Variants in DLG2 observed in about 807,000 individuals in gnomAD.
DLG2 encodes disks large homolog 2.
In DLG2, 45 loss-of-function variants were observed where a neutral mutation model predicts 132.5. The observed-to-expected ratio is 0.34, with a 90% CI of 0.27 to 0.44. The LOEUF (loss-of-function observed/expected upper bound fraction) is 0.44, where lower values mean the gene tolerates loss of function less well. Ranked by LOEUF, DLG2 falls within the 20% of genes least tolerant of loss-of-function variation. The pLI is 1.00. For missense variants in DLG2, 1,045 were observed against 1,196.9 expected (o/e 0.87, Z 1.87); for synonymous variants, 424 against 419.6 (o/e 1.01, Z -0.13).
intron 6 of DLG2, among the ~76,000 whole-genome samples, chr11:84,804,788 G>C (rs1384328381): frequency 6.6e-6 from 1 of 152,112 alleles, no homozygotes; most frequent in Non-Finnish European, 1.5e-5. Context: ...GACCAAATGA[G>C]AGCCTGGAGT....
intron 6 of DLG2, among the ~76,000 whole-genome samples, chr11:84,787,071 G>A (rs542223743): frequency 6.6e-6 from 1 of 152,234 alleles, no homozygotes; most frequent in East Asian, 1.9e-4. Flanking sequence ...ACCAACACAG[G>A]AGAAACAATG....
At chr11:85,093,502 C>T (rs1017999003) in intron 6 of DLG2, among the ~76,000 whole-genome samples, 1 of 152,130 alleles carries the variant, frequency 6.6e-6, no homozygotes, top group African/African-American at 2.4e-5. Flanking sequence ...CTAATAAAGA[C>T]ATACATGAGA....
intron 3 of DLG2, among the ~76,000 whole-genome samples, chr11:85,475,877 G>A (rs2093124930): frequency 6.6e-6 from 1 of 152,012 alleles, no homozygotes; most frequent in Non-Finnish European, 1.5e-5. Context: ...TACAACATAT[G>A]TTCTTTCTCA....
intron 16 of DLG2, among the ~76,000 whole-genome samples, chr11:83,835,011 T>C (rs1209991371): frequency 1.3e-5 from 2 of 152,212 alleles, no homozygotes; most frequent in African/African-American, 4.8e-5. Context: ...TGCTATCACA[T>C]TTCCATGCAT....
chr11:84,744,686 A>G (rs552917739), intron 6 of DLG2, among the ~76,000 whole-genome samples: 18 of 152,188 alleles, frequency 1.2e-4, no homozygotes, highest in Non-Finnish European at 2.5e-4. Flanking sequence ...ATTTTCAACT[A>G]ATAAAAAAGG....
intron 3 of DLG2, among the ~76,000 whole-genome samples, chr11:85,404,685 C>G (rs1047747843): frequency 3.9e-5 from 6 of 151,958 alleles, no homozygotes; most frequent in African/African-American, 1.4e-4. Flanking sequence ...AAAACAGTAT[C>G]AGCACTGTCA....
At chr11:83,880,021 T>C (rs1217238227) in intron 15 of DLG2, among the ~76,000 whole-genome samples, 1 of 152,164 alleles carries the variant, frequency 6.6e-6, no homozygotes, top group African/African-American at 2.4e-5. Context: ...ACCAAGATCA[T>C]GAAGGGTCAA....
chr11:83,807,973 A>G (rs1712633940), intron 17 of DLG2, among the ~76,000 whole-genome samples: 2 of 152,058 alleles, frequency 1.3e-5, no homozygotes, highest in African/African-American at 4.8e-5. Context: ...TAACACTCCT[A>G]TCTTTGACAG....
chr11:83,541,708 C>T lies in DLG2; in HGVS notation c.2091G>A (p.Glu697=). 6.2e-7 allele frequency: 1 copy of T among 1,610,642 alleles called. No individual in the cohort carries two copies. The highest frequency in any genetic ancestry group is 1.1e-5 in the South Asian group (1 of 90,556). Residue 697 remains glutamate, a synonymous_variant, in exon 20 of 28, where the codon GAG becomes GAA. Transcript: ENST00000376104. ...RRVMLEGDSE[E]MGVIPSKRRV... ...TCCTTTTGCTGGGGATGACCCCCATCTCCTCACTGTCTCCCTCCAGCATGA... is the reference window on the plus strand; with the variant it reads ...TCCTTTTGCTGGGGATGACCCCCATTTCCTCACTGTCTCCCTCCAGCATGA...
chr11:83,632,205 A>G (rs2063683729), intron 19 of DLG2: 1 of 152,220 alleles, frequency 6.6e-6, no homozygotes. Flanking sequence ...TACCAAATAC[A>G]TACAAAACTT....
intron 3 of DLG2, chr11:85,524,926 T>C (rs1425998288): frequency 2.0e-5 from 3 of 150,692 alleles, no homozygotes. Context: ...TCTGGTATGA[T>C]GGAAATGTTC....
intron 6 of DLG2, among the ~76,000 whole-genome samples, chr11:84,668,995 C>T (rs2099702850): frequency 6.6e-6 from 1 of 151,972 alleles, no homozygotes. Flanking sequence ...ACAGGTGTAT[C>T]TTCAAATTGG....
intron 6 of DLG2, among the ~76,000 whole-genome samples, chr11:84,949,755 A>C (rs1318468193): frequency 6.6e-6 from 1 of 152,140 alleles, no homozygotes; most frequent in Non-Finnish European, 1.5e-5. Flanking sequence ...CCCACATTTC[A>C]TATTGCTCAA....
intron 3 of DLG2, among the ~76,000 whole-genome samples, chr11:85,579,076 T>C (rs1463896058): frequency 3.3e-5 from 5 of 152,146 alleles, no homozygotes; most frequent in Non-Finnish European, 7.4e-5. Context: ...ATTATGTCCT[T>C]TGCAGGAACA....
chr11:85,622,470 T>C (rs919580672), intron 2 of DLG2, among the ~76,000 whole-genome samples: 3 of 151,516 alleles, frequency 2.0e-5, no homozygotes, highest in African/African-American at 2.4e-5. Context: ...AAACTAGAGA[T>C]GAAAACAGAG....
intron 9 of DLG2, among the ~76,000 whole-genome samples, chr11:84,158,221 G>A (rs750266112): frequency 1.3e-5 from 2 of 151,978 alleles, no homozygotes; most frequent in South Asian, 2.1e-4. Flanking sequence ...CTGCCACGAC[G>A]TCCAGCTAAA....
intron 6 of DLG2, among the ~76,000 whole-genome samples, chr11:85,003,109 A>G (rs2058354928): frequency 6.6e-6 from 1 of 152,050 alleles, no homozygotes; most frequent in African/African-American, 2.4e-5. Context: ...GGGGATTGGC[A>G]TCCTTAATCT....
At chr11:85,520,327 G>C (rs145834950) in intron 3 of DLG2, among the ~76,000 whole-genome samples, 1 of 152,054 alleles carries the variant, frequency 6.6e-6, no homozygotes, top group Non-Finnish European at 1.5e-5. Context: ...ATAAAACATT[G>C]ATGAAGGAAA....
chr11:84,373,268 A>AAAAAAAAAC (rs1567449347), intron 7 of DLG2, among the ~76,000 whole-genome samples: 2 of 135,744 alleles, frequency 1.5e-5, no homozygotes, highest in Non-Finnish European at 3.1e-5. Flanking sequence ...AAAAAAACAA[A>AAAAAAAAAC]ACAAAAAAAA....
Sources: gnomAD v4.1 joint callset for allele counts (sites outside exome capture counted in the v4.1 genomes callset) on GRCh38, gnomAD v4.1.1 for gene constraint, MANE v1.5 for transcripts, NCBI Gene and HGNC (gene_info 2026-07-23, HGNC 2026-07-21) for gene names.